Variants in BAZ2B observed in about 807,000 individuals in gnomAD.
BAZ2B encodes bromodomain adjacent to zinc finger domain protein 2B.
Under a neutral mutation model 246.0 loss-of-function variants are expected in BAZ2B, and 91 were observed. The ratio of observed to expected loss-of-function variants is 0.37; its 90% CI spans 0.31 to 0.44. The LOEUF is 0.44. BAZ2B is among the 20% of genes least tolerant of loss of function. The pLI, the probability that BAZ2B is intolerant of heterozygous loss-of-function variation, is 1.00. For missense variants in BAZ2B, 2,332 were observed against 2,533.7 expected (o/e 0.92, Z 1.71); for synonymous variants, 855 against 860.0 (o/e 0.99, Z 0.10).
intron 14 of BAZ2B, 61 bp downstream of exon 14, chr2:159,412,274 G>A: frequency 6.7e-7 from 1 of 1,488,826 alleles, no homozygotes. Flanking sequence ...AAAAATATTA[G>A]AAATACTTTT....
intron 1 of BAZ2B, among the ~76,000 whole-genome samples, chr2:159,556,130 A>G (rs1268259547): frequency 3.3e-5 from 5 of 152,196 alleles, no homozygotes; most frequent in African/African-American, 1.2e-4. Context: ...ATAACATATT[A>G]AAAAACAAGC....
At chr2:159,385,477 G>A in intron 22 of BAZ2B, 108 bp from the exon 23 acceptor site, 1 of 898,986 alleles carries the variant, frequency 1.1e-6, no homozygotes, top group Admixed American at 3.1e-5. Context: ...ACTGACAAGA[G>A]CTTTATTCAC....
At chr2:159,455,762 GGTTTTTT>G (rs1304675036) in intron 3 of BAZ2B, among the ~76,000 whole-genome samples, 10 of 97,122 alleles carry the variant, frequency 1.0e-4, no homozygotes, top group Non-Finnish European at 1.9e-4. Flanking sequence ...GAAATATTGT[GGTTTTTT>G]TTTTTTTTTT....
At chr2:159,488,773 A>C (rs2080123010) in intron 2 of BAZ2B, among the ~76,000 whole-genome samples, 2 of 152,210 alleles carry the variant, frequency 1.3e-5, no homozygotes, top group African/African-American at 4.8e-5. Flanking sequence ...CAAGGTGATC[A>C]ACAATGAAAT....
chr2:159,512,788 T>C (rs2083064784), intron 2 of BAZ2B, among the ~76,000 whole-genome samples: 1 of 152,162 alleles, frequency 6.6e-6, no homozygotes, highest in Non-Finnish European at 1.5e-5. Context: ...TAGGTAACTA[T>C]ACTGAAAGCT....
chr2:159,425,460 C>T (rs1007296669), intron 13 of BAZ2B, among the ~76,000 whole-genome samples: 3 of 152,094 alleles, frequency 2.0e-5, no homozygotes, highest in Admixed American at 1.3e-4. Context: ...GGGTTACAGG[C>T]GTGAGCCACA....
At chr2:159,578,715 A>C (rs1317273695) in intron 1 of BAZ2B, among the ~76,000 whole-genome samples, 3 of 152,234 alleles carry the variant, frequency 2.0e-5, no homozygotes, top group Non-Finnish European at 4.4e-5. Flanking sequence ...CAGAAATTTT[A>C]ACAACTGTCT....
At chr2:159,509,737 T>C (rs1054583394) in intron 2 of BAZ2B, among the ~76,000 whole-genome samples, 2 of 152,146 alleles carry the variant, frequency 1.3e-5, no homozygotes, top group South Asian at 2.1e-4. Flanking sequence ...AAATGTGATA[T>C]ACATATATAC....
intron 1 of BAZ2B, among the ~76,000 whole-genome samples, chr2:159,590,534 G>A (rs1047324769): frequency 6.6e-6 from 1 of 152,056 alleles, no homozygotes; most frequent in African/African-American, 2.4e-5. Context: ...GGAGGTTGCA[G>A]TGAGCCAAGA....
At chr2:159,394,434 T>C (rs1301026435) in intron 20 of BAZ2B, among the ~76,000 whole-genome samples, 1 of 152,152 alleles carries the variant, frequency 6.6e-6, no homozygotes, top group African/African-American at 2.4e-5. Context: ...ATGTATAGAT[T>C]CAATTATTAT....
chr2:159,382,686 T>G lies in BAZ2B; in HGVS notation c.3878A>C (p.Lys1293Thr), dbSNP rs1299288270. ...ATCGTCATAATCACTGTCTCCTCCC[T>G]TCCTTCTTCGCTTGCGTCCTGGAGT... ...TPTPGRKRRR[K>T]GGDSDYDDDD... Residue 1293 changes from lysine (K) to threonine (T), a missense_variant, in exon 25 of 37, where the codon AAG (lysine) becomes ACG (threonine). Lys to Thr is a moderately conservative substitution (Grantham distance 78). Coordinates refer to ENST00000392783, the MANE Select transcript of BAZ2B (RefSeq NM_013450.4). 10 of 1,611,872 alleles carry G rather than the reference T, an allele frequency of 6.2e-6. No individual in the cohort carries two copies. The South Asian group carries it at 1.1e-4, about 18-fold the overall frequency.
chr2:159,578,300 A>C (rs149710907), intron 1 of BAZ2B, among the ~76,000 whole-genome samples: 1 of 152,206 alleles, frequency 6.6e-6, no homozygotes, highest in African/African-American at 2.4e-5. Context: ...TCAGTGATAC[A>C]ATACACTCTT....
intron 2 of BAZ2B, among the ~76,000 whole-genome samples, chr2:159,497,809 C>T (rs192106713): frequency 2.4e-4 from 37 of 152,288 alleles, no homozygotes; most frequent in African/African-American, 8.9e-4. Flanking sequence ...TAGAAAACTT[C>T]CTAACAAATA....
In BAZ2B at chr2:159,439,097, T is replaced by A; in HGVS notation, c.812A>T (p.Asp271Val). 4 of 1,613,932 alleles carry A rather than the reference T, an allele frequency of 2.5e-6. No individual in the cohort carries two copies. Among genetic ancestry groups the A allele is most frequent in the Non-Finnish European group, 3.4e-6 (4 of 1,179,938 alleles). The part of the protein sequence containing the change: ...SSSDSDDLEE[D>V]EEEEDQSIEE... ...AATACTTTGATCTTCTTCTTCTTCA[T>A]CTTCTTCTAGATCATCTGAATCACT... Residue 271 changes from aspartate (D) to valine (V), a missense_variant, in exon 7 of 37, where the codon GAT (aspartate) becomes GTT (valine). Physicochemically the swap from Asp to Val is radical, Grantham distance 152 (BLOSUM62 -3). Coordinates refer to ENST00000392783, the MANE Select transcript of BAZ2B (RefSeq NM_013450.4).
chr2:159,599,001 G>C (rs1691443959), intron 1 of BAZ2B, among the ~76,000 whole-genome samples: 1 of 151,900 alleles, frequency 6.6e-6, no homozygotes, highest in Non-Finnish European at 1.5e-5. Flanking sequence ...CTAGCACTTT[G>C]GGAGGCCAGG....
chr2:159,539,939 G>A (rs1176247529), intron 2 of BAZ2B, among the ~76,000 whole-genome samples: 1 of 151,982 alleles, frequency 6.6e-6, no homozygotes, highest in Non-Finnish European at 1.5e-5. Flanking sequence ...ACCTCATCAG[G>A]GAGACCTTCC....
chr2:159,475,737 T>C (rs1290095737), intron 3 of BAZ2B, among the ~76,000 whole-genome samples: 1 of 152,228 alleles, frequency 6.6e-6, no homozygotes, highest in Non-Finnish European at 1.5e-5. Context: ...ATGGCGTTTC[T>C]GTGTAGACAT....
chr2:159,568,470 T>C, intron 1 of BAZ2B, among the ~76,000 whole-genome samples: 1 of 152,192 alleles, frequency 6.6e-6, no homozygotes, highest in Non-Finnish European at 1.5e-5. Flanking sequence ...ATTAAATTTG[T>C]ACTTATATGT....
chr2:159,335,462 T>A (rs1422737297), intron 33 of BAZ2B, among the ~76,000 whole-genome samples: 4 of 149,830 alleles, frequency 2.7e-5, no homozygotes, highest in Non-Finnish European at 5.9e-5. Flanking sequence ...GCAGGAGAAC[T>A]GCTTGAACCC....
Sources: allele counts gnomAD v4.1 joint callset (sites outside exome capture counted in the v4.1 genomes callset), GRCh38; gene constraint gnomAD v4.1.1; transcripts MANE v1.5; gene names NCBI Gene and HGNC (gene_info 2026-07-23, HGNC 2026-07-21).